The following FRMD4B variants were observed in gnomAD, a reference collection of about 807,000 sequenced individuals.
FRMD4B encodes FERM domain containing 4B, also known as FERM domain-containing protein 4B.
FRMD4B carries 74 observed loss-of-function variants against 141.5 expected under a neutral mutation model. The observed-to-expected ratio is 0.52, with a 90% confidence interval of 0.43 to 0.63. The LOEUF (loss-of-function observed/expected upper bound fraction) is 0.63. FRMD4B is among the 30% of genes least tolerant of loss of function. FRMD4B has a pLI of 0.00. For synonymous variants in FRMD4B, 506 were observed against 467.9 expected (o/e 1.08, Z -1.05); for missense variants, 1,366 against 1,253.4 (o/e 1.09, Z -1.36).
intron 14 of FRMD4B, 64 bp from the exon 15 acceptor site, chr3:69,195,428 CAAAGGATTTTTAAGCT>C: frequency 7.3e-7 from 1 of 1,376,902 alleles, no homozygotes; most frequent in Non-Finnish European, 9.8e-7. Context: ...TTCTAAGGGA[CAAAGGATTTTTAAGCT>C]AAAGCTGCTA....
intron 5 of FRMD4B, among the ~76,000 whole-genome samples, chr3:69,279,613 C>A (rs2093634093): frequency 6.6e-6 from 1 of 152,114 alleles, no homozygotes; most frequent in Non-Finnish European, 1.5e-5. Flanking sequence ...GCACATGCCA[C>A]CATGCCCAGC....
intron 1 of FRMD4B, among the ~76,000 whole-genome samples, chr3:69,378,197 G>C (rs1704024243): frequency 6.6e-6 from 1 of 152,050 alleles, no homozygotes; most frequent in Non-Finnish European, 1.5e-5. Context: ...CTCCATTTCA[G>C]AGTCTGCTAC....
chr3:69,502,941 T>A (rs1706525301), intron 1 of FRMD4B, among the ~76,000 whole-genome samples: 1 of 152,152 alleles, frequency 6.6e-6, no homozygotes, highest in Non-Finnish European at 1.5e-5. Context: ...AAAATGCTCA[T>A]CATCACTGGC....
intron 11 of FRMD4B, among the ~76,000 whole-genome samples, chr3:69,208,698 C>T (rs539056430): frequency 2.7e-4 from 41 of 152,176 alleles, no homozygotes; most frequent in South Asian, 4.1e-4. Context: ...TCATTTGTTT[C>T]CATCAAAGAT....
At chr3:69,431,766 G>A (rs1395511479) in intron 2 of FRMD4B, among the ~76,000 whole-genome samples, 2 of 152,158 alleles carry the variant, frequency 1.3e-5, no homozygotes, top group Non-Finnish European at 1.5e-5. Context: ...TCCAGCAGGC[G>A]CCAGCATGTG....
At chr3:69,353,491 A>C (rs1703221033) in intron 1 of FRMD4B, 1 of 770,568 alleles carries the variant, frequency 1.3e-6, no homozygotes, top group African/African-American at 1.9e-5. Context: ...AAGCTGAAGA[A>C]GCACCGTTAC....
chr3:69,377,630 TC>T (rs1179770816), intron 1 of FRMD4B, among the ~76,000 whole-genome samples: 1 of 151,948 alleles, frequency 6.6e-6, no homozygotes, highest in African/African-American at 2.4e-5. Flanking sequence ...GGTCATCCCA[TC>T]CCCCTTTTCA....
At chr3:69,471,991 C>CTTTT (rs58822985) in intron 1 of FRMD4B, 7 of 148,726 alleles carry the variant, frequency 4.7e-5, no homozygotes, top group Non-Finnish European at 1.0e-4. Context: ...TGAAAGTTGT[C>CTTTT]TTTTTTTTTT....
chr3:69,426,390 A>G (rs539465479), intron 2 of FRMD4B, among the ~76,000 whole-genome samples: 26 of 152,210 alleles, frequency 1.7e-4, no homozygotes, highest in African/African-American at 6.3e-4. Flanking sequence ...CATTCAAAAG[A>G]CAGTCAACAG....
At chr3:69,355,393 A>C (rs939566444) in intron 1 of FRMD4B, among the ~76,000 whole-genome samples, 2 of 152,176 alleles carry the variant, frequency 1.3e-5, no homozygotes, top group African/African-American at 4.8e-5. Flanking sequence ...AAGGTGGGGA[A>C]TTATTGTATT....
chr3:69,432,926 A>T (rs898575643), intron 1 of FRMD4B: 14 of 152,224 alleles, frequency 9.2e-5, no homozygotes, highest in Admixed American at 9.2e-4. Flanking sequence ...TTTAGAATAG[A>T]GTTCTCTCGA....
intron 2 of FRMD4B, among the ~76,000 whole-genome samples, chr3:69,412,432 C>T (rs1159322781): frequency 6.6e-6 from 1 of 151,876 alleles, no homozygotes; most frequent in Non-Finnish European, 1.5e-5. Context: ...TTTTGATAAC[C>T]CTAAAGTTAG....
At chr3:69,342,452 G>A (rs936127233) in intron 1 of FRMD4B, among the ~76,000 whole-genome samples, 2 of 152,042 alleles carry the variant, frequency 1.3e-5, no homozygotes, top group Non-Finnish European at 2.9e-5. Context: ...AACATTACAG[G>A]CCCTGAAAAA....
chr3:69,419,348 C>T (rs531842278), intron 2 of FRMD4B, among the ~76,000 whole-genome samples: 1 of 152,302 alleles, frequency 6.6e-6, no homozygotes, highest in South Asian at 2.1e-4. Flanking sequence ...CTCTCTAGCT[C>T]TCAGCTCCCT....
At chr3:69,437,963 A>G (rs1253074925) in intron 1 of FRMD4B, among the ~76,000 whole-genome samples, 1 of 140,838 alleles carries the variant, frequency 7.1e-6, no homozygotes, top group Non-Finnish European at 1.5e-5. Context: ...ATATAATACT[A>G]CATAAATATA....
chr3:69,457,004 C>T (rs975391955), intron 1 of FRMD4B, among the ~76,000 whole-genome samples: 2 of 152,042 alleles, frequency 1.3e-5, no homozygotes, highest in Non-Finnish European at 2.9e-5. Context: ...GGTAGGAGTT[C>T]GTTTTGTGCA....
intron 1 of FRMD4B, among the ~76,000 whole-genome samples, chr3:69,366,393 A>C (rs1703657261): frequency 1.3e-5 from 2 of 149,868 alleles, no homozygotes; most frequent in Non-Finnish European, 1.5e-5. Context: ...TATTAAAAAT[A>C]ATGACATATA....
chr3:69,340,681 A>G (rs1702710096), intron 1 of FRMD4B, among the ~76,000 whole-genome samples: 1 of 152,174 alleles, frequency 6.6e-6, no homozygotes, highest in Non-Finnish European at 1.5e-5. Context: ...GTGCTACACT[A>G]TGAGGTTTAG....
chr3:69,245,834 G>GTTTTTTTTTTTT (rs1183774603), intron 7 of FRMD4B, among the ~76,000 whole-genome samples: 8 of 78,346 alleles, frequency 1.0e-4, no homozygotes, highest in Non-Finnish European at 1.4e-4. Context: ...AGGCTAATTT[G>GTTTTTTTTTTTT]TTTTTTTTTT....
Sources: gnomAD v4.1 joint callset for allele counts (sites outside exome capture counted in the v4.1 genomes callset) on GRCh38, gnomAD v4.1.1 for gene constraint, MANE v1.5 for transcripts, NCBI Gene and HGNC (gene_info 2026-07-23, HGNC 2026-07-21) for gene names.